Variants in TFEC observed in about 807,000 individuals in gnomAD.
TFEC encodes the protein transcription factor EC, also known as class E basic helix-loop-helix protein 34.
Under a neutral mutation model 41.6 loss-of-function variants are expected in TFEC, and 31 were observed. The ratio of observed to expected loss-of-function variants is 0.74; its 90% CI spans 0.56 to 1.01. TFEC has a LOEUF of 1.01. Ranked by LOEUF, TFEC falls within the 50% of genes least tolerant of loss-of-function variation. The pLI is 0.00. For missense variants in TFEC, 402 were observed against 404.1 expected, an observed-to-expected ratio of 0.99 and a Z score of 0.04; for synonymous variants, 143 against 140.6, an observed-to-expected ratio of 1.02 and a Z score of -0.12.
At chr7:116,047,523 C>T (rs1313787820) in intron 3 of TFEC, among the ~76,000 whole-genome samples, 1 of 152,078 alleles carries the variant, frequency 6.6e-6, no homozygotes, top group African/African-American at 2.4e-5. Context: ...TGGGTGGAGC[C>T]CACCGCAGCT....
At chr7:115,992,742 C>G (rs1005063849) in intron 1 of TFEC, among the ~76,000 whole-genome samples, 6 of 152,106 alleles carry the variant, frequency 3.9e-5, no homozygotes, top group Non-Finnish European at 7.4e-5. Flanking sequence ...AGTCCAGGAC[C>G]AGATGGATTC....
At chr7:115,958,520 C>A (rs1792356928) in intron 3 of TFEC, among the ~76,000 whole-genome samples, 1 of 151,730 alleles carries the variant, frequency 6.6e-6, no homozygotes, top group Admixed American at 6.6e-5. Context: ...TTCAGATGGA[C>A]TTCAATGAAG....
chr7:116,132,659 G>A (rs1798355510), intron 1 of TFEC, among the ~76,000 whole-genome samples: 1 of 152,224 alleles, frequency 6.6e-6, no homozygotes, highest in Non-Finnish European at 1.5e-5. Context: ...CTTTTGCACA[G>A]TAAGTGCAAA....
chr7:116,063,116 CAT>C (rs1168863258), intron 3 of TFEC, among the ~76,000 whole-genome samples: 1 of 152,170 alleles, frequency 6.6e-6, no homozygotes, highest in Non-Finnish European at 1.5e-5. Context: ...ACTATTGACA[CAT>C]GCTACAACAT....
intron 1 of TFEC, among the ~76,000 whole-genome samples, chr7:116,132,997 C>G (rs994845979): frequency 6.6e-6 from 1 of 152,012 alleles, no homozygotes; most frequent in African/African-American, 2.4e-5. Flanking sequence ...AATTTTTAAG[C>G]TTTTCTTCAA....
intron 1 of TFEC, among the ~76,000 whole-genome samples, chr7:116,126,603 G>A (rs1355096421): frequency 1.3e-5 from 2 of 152,072 alleles, no homozygotes; most frequent in African/African-American, 2.4e-5. Context: ...TTCAAAATCT[G>A]AGAGAAAATG....
At chr7:115,978,947 A>G (rs568233712) in intron 2 of TFEC, among the ~76,000 whole-genome samples, 84 of 152,256 alleles carry the variant, frequency 5.5e-4, no homozygotes, top group South Asian at 1.7e-3. Flanking sequence ...TTTATTTCTC[A>G]TTCAAGATTT....
chr7:116,156,521 A>G (rs956711570), intron 1 of TFEC, among the ~76,000 whole-genome samples: 2 of 152,208 alleles, frequency 1.3e-5, no homozygotes, highest in African/African-American at 4.8e-5. Flanking sequence ...GGGCTTCTCC[A>G]TAACTACACC....
At chr7:116,071,790 C>A (rs1048742727) in intron 3 of TFEC, among the ~76,000 whole-genome samples, 2 of 151,380 alleles carry the variant, frequency 1.3e-5, no homozygotes, top group Admixed American at 6.6e-5. Context: ...TGCCTCCCTG[C>A]CTGTGATAAT....
intron 1 of TFEC, among the ~76,000 whole-genome samples, chr7:116,005,067 C>A (rs943816930): frequency 6.6e-6 from 1 of 152,186 alleles, no homozygotes; most frequent in Non-Finnish European, 1.5e-5. Context: ...GATTGTGAGG[C>A]CTCCCCAGCC....
rs1179400346 is a variant in TFEC at position 115,940,845 on chromosome 7, C to T, written c.750G>A (p.Gln250=). 2 of 1,613,404 alleles carry T rather than the reference C, an allele frequency of 1.2e-6. No individual in the cohort carries two copies. Among genetic ancestry groups the T allele is most frequent in the East Asian group, 4.5e-5 (2 of 44,832 alleles). Residue 250 remains glutamine, a synonymous_variant, in exon 8 of 8, where the codon CAG becomes CAA. Coordinates refer to ENST00000265440, the MANE Select transcript of TFEC (RefSeq NM_012252.4). ...TVDLGAHVTK[Q]QSHPEQNSVD... The stretch of plus-strand genomic sequence containing the variant: ...CTGAATTCTGCTCAGGATGGCTCTG[C>T]TGTTTGGTGACATGAGCACCTAAAT...
chr7:115,984,272 G>T lies in TFEC; in HGVS notation c.170C>A (p.Ala57Glu). 2 of 1,613,898 alleles carry T rather than the reference G, an allele frequency of 1.2e-6. No homozygotes were observed. The highest frequency in any genetic ancestry group is 1.7e-6 in the Non-Finnish European group (2 of 1,179,860). ...AGCCATTAGACATACATGCCATTGTGCATTGTCATCTTCTTTCCCAATAGC... is the reference window on the plus strand; with the variant it reads ...AGCCATTAGACATACATGCCATTGTTCATTGTCATCTTCTTTCCCAATAGC... Reference protein sequence around the residue: ...LLAIGKEDDNAQWHMEDVIED... With the variant: ...LLAIGKEDDNEQWHMEDVIED... The change falls in exon 2 of 8, where the codon GCA (alanine) becomes GAA (glutamate). Residue 57 changes from alanine (A) to glutamate (E), a missense_variant. Ala to Glu is a moderately radical substitution (Grantham distance 107, BLOSUM62 -1). Coordinates refer to ENST00000265440, the MANE Select transcript of TFEC (RefSeq NM_012252.4).
chr7:116,057,218 G>A (rs967330861), intron 3 of TFEC, among the ~76,000 whole-genome samples: 10 of 151,882 alleles, frequency 6.6e-5, no homozygotes, highest in African/African-American at 1.9e-4. Flanking sequence ...AGTTCCCAGA[G>A]TCAGCAAAGG....
At chr7:116,141,554 G>A (rs1191296761) in intron 1 of TFEC, among the ~76,000 whole-genome samples, 1 of 152,126 alleles carries the variant, frequency 6.6e-6, no homozygotes, top group Non-Finnish European at 1.5e-5. Context: ...TGTGTGCTTT[G>A]TTTTGTTTTT....
At chr7:116,058,625 C>T (rs1017326946) in intron 3 of TFEC, among the ~76,000 whole-genome samples, 5 of 151,822 alleles carry the variant, frequency 3.3e-5, no homozygotes, top group Admixed American at 3.3e-4. Flanking sequence ...TTGACCAAGA[C>T]AGGTCATACT....
At chr7:116,092,578 G>A (rs1454084912) in intron 3 of TFEC, among the ~76,000 whole-genome samples, 2 of 152,100 alleles carry the variant, frequency 1.3e-5, no homozygotes, top group African/African-American at 2.4e-5. Flanking sequence ...AGTTTAATAT[G>A]TATGTGTACA....
chr7:115,972,960 C>T (rs1793202003), intron 3 of TFEC, among the ~76,000 whole-genome samples: 1 of 151,868 alleles, frequency 6.6e-6, no homozygotes, highest in East Asian at 1.9e-4. Flanking sequence ...GATCCTCATG[C>T]TGTGAAATTA....
chr7:116,122,757 G>A (rs940263014), intron 1 of TFEC, among the ~76,000 whole-genome samples: 19 of 152,064 alleles, frequency 1.2e-4, no homozygotes, highest in Admixed American at 1.2e-3. Context: ...AGGACGACTG[G>A]AACAAGGTGA....
intron 3 of TFEC, among the ~76,000 whole-genome samples, chr7:116,092,283 C>T (rs1035638080): frequency 6.6e-6 from 1 of 152,240 alleles, no homozygotes; most frequent in Admixed American, 6.5e-5. Flanking sequence ...GGTTCTTATG[C>T]ATCTATTACT....
Sources: gnomAD v4.1 joint callset for allele counts (sites outside exome capture counted in the v4.1 genomes callset) on GRCh38, gnomAD v4.1.1 for gene constraint, MANE v1.5 for transcripts, NCBI Gene and HGNC (gene_info 2026-07-23, HGNC 2026-07-21) for gene names.